POLR3A: variants seen among roughly 807,000 people sequenced by gnomAD.
The protein encoded by POLR3A is RNA polymerase III subunit A.
POLR3A carries 112 observed loss-of-function variants against 152.8 expected under a neutral mutation model. That is an observed-to-expected ratio of 0.73 (90% CI 0.63 to 0.86). POLR3A has a LOEUF of 0.86. POLR3A is among the 40% of genes least tolerant of loss of function. POLR3A has a pLI of 0.00. For synonymous variants in POLR3A, 615 were observed against 652.1 expected (o/e 0.94, Z 0.87); for missense variants, 1,385 against 1,743.1 (o/e 0.79, Z 3.66).
Position 78,013,114 on chromosome 10 carries a change from T to G in POLR3A, c.1572+536A>C, listed in dbSNP as rs114494273. On this transcript the variant is annotated intron_variant, in intron 11 of 30. Transcript: ENST00000372371. ...CCTGCAGCATCTACTGGGCACTCCT[T>G]ATGCATTTGTCAAATAAAGTGGTGG... The G allele has an allele frequency of 1.7e-3, 306 of 185,314 alleles. 2 individuals are homozygous for G. The highest frequency in any genetic ancestry group is 7.0e-3 in the African/African-American group (294 of 41,884). The allele number at this position is 185,314 out of a possible 1,614,324, so 11.5% of individuals were successfully genotyped here.
chr10:77,983,816 C>T, intron 26 of POLR3A, 104 bp downstream of exon 26: 1 of 760,134 alleles, frequency 1.3e-6, no homozygotes, highest in East Asian at 2.6e-5. Flanking sequence ...ACAGAAGGTT[C>T]TGCAATGCTT....
intron 26 of POLR3A, among the ~76,000 whole-genome samples, chr10:77,983,073 A>T (rs947157573): frequency 4.6e-5 from 7 of 152,186 alleles, no homozygotes; most frequent in Admixed American, 2.6e-4. Flanking sequence ...TGCTCAGTTC[A>T]TGGCAACACA....
At chr10:77,980,533 A>T (rs997378067) in intron 29 of POLR3A, among the ~76,000 whole-genome samples, 5 of 151,858 alleles carry the variant, frequency 3.3e-5, no homozygotes, top group African/African-American at 1.2e-4. Context: ...GACTAACTTT[A>T]AAAAAGGGGA....
chr10:78,024,783 A>G lies in POLR3A; in HGVS notation c.491-80T>C, dbSNP rs532689038. 6 of 1,416,920 alleles carry G rather than the reference A, an allele frequency of 4.2e-6. No homozygotes were observed. The Admixed American group carries it at 1.0e-4, about 24-fold the overall frequency. The allele number at this position is 1,416,920 out of a possible 1,614,324, so 87.8% of individuals were successfully genotyped here. A position where few individuals can be genotyped will look rare whatever the true frequency, so the allele number is the denominator to read the frequency against. ...CAGAGATTGTAGTATGGTTAATGAA[A>G]TTACTGAAACTACTATAGCAATGAA... On this transcript the variant is annotated intron_variant, in intron 4 of 30. Coordinates refer to ENST00000372371, the MANE Select transcript of POLR3A (RefSeq NM_007055.4).
chr10:77,984,419 G>A (rs996527284), intron 24 of POLR3A, 121 bp from the exon 25 acceptor site: 17 of 716,248 alleles, frequency 2.4e-5, no homozygotes, highest in Middle Eastern at 2.3e-4. Context: ...CCAGTTTACT[G>A]AGCAAGCTCT....
At chr10:78,003,801 G>A (rs995891893) in intron 16 of POLR3A, among the ~76,000 whole-genome samples, 4 of 151,904 alleles carry the variant, frequency 2.6e-5, no homozygotes, top group South Asian at 2.1e-4. Context: ...GGTGGTGGGC[G>A]CCTGTAATCC....
chr10:78,020,192 A>G, intron 8 of POLR3A: 1 of 151,754 alleles, frequency 6.6e-6, no homozygotes, highest in Non-Finnish European at 1.5e-5. Flanking sequence ...AAAAAAAAAA[A>G]AAGTGCTAGC....
At chr10:77,986,404 C>T (rs1363468045) in intron 21 of POLR3A, among the ~76,000 whole-genome samples, 1 of 152,188 alleles carries the variant, frequency 6.6e-6, no homozygotes, top group Admixed American at 6.5e-5. Context: ...ACCTTCTCCT[C>T]CAACTGCTCT....
intron 30 of POLR3A, 71 bp downstream of exon 30, chr10:77,980,070 G>A: frequency 7.0e-7 from 1 of 1,428,774 alleles, no homozygotes; most frequent in Non-Finnish European, 9.9e-7. Flanking sequence ...TCATTCCCTT[G>A]GAAGCCTAGC....
At position 78,022,184 on chromosome 10, in the gene POLR3A, T is replaced by C; in HGVS notation, c.846A>G (p.Lys282=). The C allele has an allele frequency of 2.5e-6, 4 of 1,614,190 alleles. No homozygotes were observed. Among genetic ancestry groups the C allele is most frequent in the Non-Finnish European group, 3.4e-6 (4 of 1,180,016 alleles). ...CGTTTAGGAAAATGATTTCTGTCAG[T>C]TTCATTGTCAGATCATCTTCATTGG... ...SGTNEDDLTM[K]LTEIIFLNDV... The change falls in exon 6 of 31, where the codon AAA becomes AAG. Residue 282 remains lysine (K), a synonymous_variant. Transcript: ENST00000372371.
At chr10:78,024,487 G>C in intron 5 of POLR3A, 62 bp downstream of exon 5, 1 of 1,562,652 alleles carries the variant, frequency 6.4e-7, no homozygotes, top group Non-Finnish European at 8.8e-7. Context: ...GAGTGTGCAT[G>C]TGACGTGCGG....
intron 19 of POLR3A, among the ~76,000 whole-genome samples, chr10:77,993,805 C>G (rs1260952144): frequency 6.6e-6 from 1 of 152,078 alleles, no homozygotes; most frequent in East Asian, 1.9e-4. Context: ...TCTTCTGGGA[C>G]AGAGGGGGAA....
chr10:77,996,321 C>G (rs1847300044), intron 19 of POLR3A, among the ~76,000 whole-genome samples: 1 of 152,114 alleles, frequency 6.6e-6, no homozygotes, highest in Non-Finnish European at 1.5e-5. Context: ...CAGAGCAGAA[C>G]TGAAGGAACT....
Position 77,999,994 on chromosome 10 carries a change from G to A in POLR3A, c.2603C>T (p.Thr868Met), listed in dbSNP as rs1847341287. ...TCTTCAGGTTACCTGCATGTATCCC[G>A]TTTCAGCTGTCTTTACAGCCGTGTC... ...LVDTAVKTAE[T>M]GYMQRRLVKS... is the part of the protein sequence containing the mutation. Residue 868 changes from threonine to methionine, a missense_variant, in exon 19 of 31, where the codon ACG becomes ATG. Physicochemically the swap from Thr to Met is moderately conservative, Grantham distance 81 (BLOSUM62 -1). Coordinates refer to ENST00000372371, the MANE Select transcript of POLR3A (RefSeq NM_007055.4). The A allele has an allele frequency of 6.2e-7, 1 of 1,614,080 alleles. No homozygotes were observed. Among genetic ancestry groups the A allele is most frequent in the Non-Finnish European group, 8.5e-7 (1 of 1,179,988 alleles).
intron 19 of POLR3A, among the ~76,000 whole-genome samples, chr10:77,994,666 A>G (rs1027818464): frequency 1.1e-4 from 17 of 152,334 alleles, no homozygotes; most frequent in African/African-American, 4.1e-4. Context: ...CTATGTGAAA[A>G]GACCAAATCT....
rs1589321127 is a variant in POLR3A at position 78,029,480 on chromosome 10, T to C, written c.-73A>G. 4 of 1,498,556 alleles carry C rather than the reference T, an allele frequency of 2.7e-6. No homozygotes were observed. The highest frequency in any genetic ancestry group is 2.3e-5 in the East Asian group (1 of 44,306). The allele number at this position is 1,498,556 out of a possible 1,614,324, so 92.8% of individuals were successfully genotyped here. On this transcript the variant is annotated 5_prime_UTR_variant, in exon 1 of 31. Transcript: ENST00000372371. ...GAGAAACGATGCCCCCAGCACCTCCTGGGGCTGCTTCTGGACTCGCCGCTA... is the reference window on the plus strand; with the variant it reads ...GAGAAACGATGCCCCCAGCACCTCCCGGGGCTGCTTCTGGACTCGCCGCTA...
chr10:78,004,892 T>C lies in POLR3A; in HGVS notation c.2075-4A>G, dbSNP rs765610331. On this transcript the variant is annotated splice_polypyrimidine_tract_variant and splice_region_variant and intron_variant, in intron 15 of 30. Transcript: ENST00000372371. The stretch of plus-strand genomic sequence containing the variant: ...CCAATTGAGAAACCACGGTTAGCTG[T>C]TGAGTTGGTAGAGCAGGAAGAAAGG... The C allele has an allele frequency of 3.1e-6, 5 of 1,613,796 alleles. No homozygotes were observed. The highest frequency in any genetic ancestry group is 1.1e-5 in the South Asian group (1 of 91,074).
In POLR3A at chr10:78,022,034, A is replaced by G; in HGVS notation, c.886-12T>C. The stretch of plus-strand genomic sequence containing the variant: ...CCTGAGATCCGATGCTAAAACCAGC[A>G]CAGCCCAAACAGAAACAAACCTGGT... On this transcript the variant is annotated splice_polypyrimidine_tract_variant and intron_variant, in intron 6 of 30. Transcript: ENST00000372371. The G allele has an allele frequency of 6.2e-7, 1 of 1,614,216 alleles. No homozygotes were observed. The highest frequency in any genetic ancestry group is 1.3e-5 in the African/African-American group (1 of 75,062).
chr10:77,991,851 C>T (rs958573423), intron 20 of POLR3A, among the ~76,000 whole-genome samples: 12 of 152,114 alleles, frequency 7.9e-5, no homozygotes, highest in South Asian at 2.1e-4. Context: ...TCTGCTTTGT[C>T]CAAGTTGACT....
Sources: allele counts gnomAD v4.1 joint callset (sites outside exome capture counted in the v4.1 genomes callset), GRCh38; gene constraint gnomAD v4.1.1; transcripts MANE v1.5; gene names NCBI Gene and HGNC (gene_info 2026-07-23, HGNC 2026-07-21).